Variants in FER1L6 observed in about 807,000 individuals in gnomAD.
FER1L6 encodes fer-1 like family member 6, also known as fer-1-like protein 6.
FER1L6 carries 177 observed loss-of-function variants against 219.2 expected under a neutral mutation model. The ratio of observed to expected loss-of-function variants is 0.81; its 90% CI spans 0.71 to 0.91. The LOEUF is 0.91. FER1L6 is among the 40% of genes least tolerant of loss of function. The pLI is 0.00. For synonymous variants in FER1L6, 768 were observed against 824.3 expected (o/e 0.93, Z 1.17); for missense variants, 2,153 against 2,259.9 (o/e 0.95, Z 0.96).
At chr8:123,952,335 G>A (rs961569161) in intron 1 of FER1L6, among the ~76,000 whole-genome samples, 4 of 152,158 alleles carry the variant, frequency 2.6e-5, no homozygotes, top group African/African-American at 4.8e-5. Context: ...CTGCAGTGCG[G>A]GCCTTGTGGT....
chr8:124,070,823 CAG>C (rs1456151509), intron 30 of FER1L6, among the ~76,000 whole-genome samples: 2 of 152,134 alleles, frequency 1.3e-5, no homozygotes, highest in Non-Finnish European at 2.9e-5. Context: ...AATAAGGAGA[CAG>C]AGTCATTACC....
At chr8:123,866,513 G>A (rs1816840515) in intron 1 of FER1L6, among the ~76,000 whole-genome samples, 1 of 152,070 alleles carries the variant, frequency 6.6e-6, no homozygotes, top group Non-Finnish European at 1.5e-5. Flanking sequence ...ACCTAGAGAT[G>A]AGATTGCTGA....
intron 33 of FER1L6, among the ~76,000 whole-genome samples, chr8:124,083,296 C>G (rs1821648597): frequency 6.6e-6 from 1 of 152,140 alleles, no homozygotes; most frequent in South Asian, 2.1e-4. Context: ...CTCTCTATCT[C>G]CATGAGTTCA....
intron 5 of FER1L6, 141 bp from the exon 6 acceptor site, chr8:123,969,894 G>C (rs957582188): frequency 3.0e-5 from 16 of 537,544 alleles, no homozygotes; most frequent in Non-Finnish European, 5.4e-5. Context: ...AAAGAGAATT[G>C]ACAATTGACA....
intron 15 of FER1L6, 127 bp from the exon 16 acceptor site, chr8:124,017,501 A>T (rs763063336): frequency 4.5e-6 from 3 of 660,582 alleles, no homozygotes; most frequent in Non-Finnish European, 7.7e-6. Context: ...ATCCTAAATT[A>T]AAAATATTGG....
chr8:124,119,099 C>T (rs1000731111), intron 40 of FER1L6, among the ~76,000 whole-genome samples, 155 bp downstream of exon 40: 9 of 152,104 alleles, frequency 5.9e-5, no homozygotes, highest in African/African-American at 1.7e-4. Context: ...TGTAGCTTTT[C>T]GAAGAAAAAG....
At chr8:124,055,501 G>C (rs1820247359) in intron 22 of FER1L6, among the ~76,000 whole-genome samples, 1 of 152,142 alleles carries the variant, frequency 6.6e-6, no homozygotes, top group Non-Finnish European at 1.5e-5. Flanking sequence ...TCTGCAATCA[G>C]AACTATCTGT....
At chr8:124,015,571 C>CTATATATATA (rs781161909) in intron 15 of FER1L6, among the ~76,000 whole-genome samples, 679 of 43,170 alleles carry the variant, frequency 0.016, 15 homozygotes, top group Non-Finnish European at 0.027. Flanking sequence ...ATTATAAAAG[C>CTATATATATA]TATATATATA....
At chr8:123,988,060 T>A (rs1181837390) in intron 12 of FER1L6, among the ~76,000 whole-genome samples, 1 of 151,658 alleles carries the variant, frequency 6.6e-6, no homozygotes, top group Non-Finnish European at 1.5e-5. Context: ...ATTGCGCCAC[T>A]GCACTCCAGC....
intron 12 of FER1L6, among the ~76,000 whole-genome samples, chr8:123,988,022 C>T (rs1247123443): frequency 2.6e-5 from 4 of 151,754 alleles, no homozygotes; most frequent in East Asian, 1.9e-4. Context: ...CACTTGAACC[C>T]GGGAGGCGGA....
chr8:123,887,079 G>A (rs879542642), intron 1 of FER1L6, among the ~76,000 whole-genome samples: 8 of 152,160 alleles, frequency 5.3e-5, no homozygotes, highest in Admixed American at 6.5e-5. Context: ...ACCAGGCTGT[G>A]ATTCATCAGA....
rs1823013918 is a variant in FER1L6 at position 124,111,269 on chromosome 8, C to T, written c.5290-7575C>T. On this transcript the variant is annotated intron_variant, in intron 39 of 40. Coordinates refer to ENST00000522917, the MANE Select transcript of FER1L6 (RefSeq NM_001039112.2). This position sits in a 1 kb window ranked among gnomAD's most constrained non-coding sequence, Gnocchi z 5.0. ...TTTTAATTTTTATTTGTTGCCCTTACACCTCCTAAAGGGAAAATAAGAATT... is the reference window on the plus strand; with the variant it reads ...TTTTAATTTTTATTTGTTGCCCTTATACCTCCTAAAGGGAAAATAAGAATT... Among the ~76,000 whole-genome samples, 1 of 152,210 alleles carries T rather than the reference C, an allele frequency of 6.6e-6. No individual in the cohort carries two copies. Among genetic ancestry groups the T allele is most frequent in the Non-Finnish European group, 1.5e-5 (1 of 68,044 alleles).
At chr8:123,921,883 C>A in intron 1 of FER1L6, among the ~76,000 whole-genome samples, 1 of 152,132 alleles carries the variant, frequency 6.6e-6, no homozygotes, top group South Asian at 2.1e-4. Context: ...TGTCAAGCCG[C>A]TTGTAACGTG....
intron 27 of FER1L6, 139 bp from the exon 28 acceptor site, chr8:124,067,628 T>A: frequency 2.7e-6 from 2 of 748,452 alleles, no homozygotes; most frequent in Non-Finnish European, 4.4e-6. Context: ...GCGGCTTCAT[T>A]TTGGGGGACT....
At chr8:124,096,559 C>T (rs1822301957) in intron 35 of FER1L6, among the ~76,000 whole-genome samples, 1 of 152,210 alleles carries the variant, frequency 6.6e-6, no homozygotes, top group Non-Finnish European at 1.5e-5. Context: ...AGGGCTTCTC[C>T]TCACATGGGC....
intron 1 of FER1L6, among the ~76,000 whole-genome samples, chr8:123,856,007 TGA>T (rs757352059): frequency 3.1e-5 from 4 of 129,322 alleles, no homozygotes; most frequent in Non-Finnish European, 5.0e-5. Context: ...CATATGTATA[TGA>T]GATATATGTA....
intron 20 of FER1L6, among the ~76,000 whole-genome samples, chr8:124,041,150 G>A (rs1251528636): frequency 6.6e-6 from 1 of 152,218 alleles, no homozygotes; most frequent in African/African-American, 2.4e-5. Context: ...ATCTCAGGGA[G>A]TTAAGCACCA....
intron 25 of FER1L6, among the ~76,000 whole-genome samples, chr8:124,062,422 A>G (rs564031614): frequency 3.3e-5 from 5 of 152,154 alleles, no homozygotes; most frequent in East Asian, 1.9e-4. Flanking sequence ...CTCTCATTCT[A>G]TCCACTGTCC....
chr8:123,874,009 A>T (rs1418376913), intron 1 of FER1L6, among the ~76,000 whole-genome samples: 1 of 152,172 alleles, frequency 6.6e-6, no homozygotes, highest in East Asian at 1.9e-4. Context: ...AGAACATCTT[A>T]TAATTACCAC....
Sources: gnomAD v4.1 joint callset for allele counts (sites outside exome capture counted in the v4.1 genomes callset) on GRCh38, gnomAD v4.1.1 for gene constraint, Gnocchi (gnomAD v3.1) non-coding constraint, MANE v1.5 for transcripts, NCBI Gene and HGNC (gene_info 2026-07-23, HGNC 2026-07-21) for gene names.